The following ZNF662 variants were observed in gnomAD, a reference collection of about 807,000 sequenced individuals.
ZNF662 encodes zinc finger protein 662.
In ZNF662, 14 loss-of-function variants were observed where a neutral mutation model predicts 12.4. The observed-to-expected ratio is 1.13, with a 90% CI of 0.75 to 1.77. The LOEUF is 1.77. Ranked by LOEUF, ZNF662 falls within the 40% of genes most tolerant of loss-of-function variation. The probability of loss-of-function intolerance (pLI) is 0.00; values close to 1 mark genes in which losing one functional copy is unlikely to be tolerated. For missense variants in ZNF662, 550 were observed against 515.6 expected (o/e 1.07, Z -0.65); for synonymous variants, 184 against 176.4 (o/e 1.04, Z -0.34).
At position 42,908,067 on chromosome 3, in the gene ZNF662, G is replaced by A. The variant is rs763488420; in HGVS notation, c.-48G>A. The A allele has an allele frequency of 4.8e-5, 77 of 1,614,074 alleles. No homozygotes were observed. The South Asian group carries it at 6.0e-4, about 13-fold the overall frequency. The stretch of plus-strand genomic sequence containing the variant: ...TGTGGCCGTCTACTTCTCTGAGAAC[G>A]AATGGATCGGCCTGGGCCCTGCTCA... On this transcript the variant is annotated 5_prime_UTR_variant, in exon 2 of 5. Coordinates refer to ENST00000440367, the MANE Select transcript of ZNF662 (RefSeq NM_207404.4).
intron 2 of ZNF662, chr3:42,908,547 A>G (rs1485533171): frequency 3.0e-6 from 4 of 1,323,706 alleles, no homozygotes; most frequent in East Asian, 3.0e-5. Flanking sequence ...TGAGGACTCA[A>G]TTCCTCAATG....
chr3:42,907,598 ATAG>A (rs2088701673), intron 1 of ZNF662: 1 of 827,614 alleles, frequency 1.2e-6, no homozygotes, highest in Non-Finnish European at 1.5e-6. Flanking sequence ...AACGGATCTG[ATAG>A]TAGGCTATGA....
intron 3 of ZNF662, among the ~76,000 whole-genome samples, chr3:42,912,549 A>T (rs1344573867): frequency 2.5e-4 from 2 of 8,088 alleles, no homozygotes; most frequent in South Asian, 0.011. Flanking sequence ...TTATATATTT[A>T]ATATAAATAT....
chr3:42,907,953 C>T, intron 1 of ZNF662, 69 bp from the exon 2 acceptor site: 1 of 1,576,550 alleles, frequency 6.3e-7, no homozygotes, highest in Non-Finnish European at 8.6e-7. Flanking sequence ...CCTTTTGATG[C>T]CCTGTCTCCC....
chr3:42,906,177 C>T lies in ZNF662; in HGVS notation c.-94+9C>T. ...ATGCTGGGGCCTGGCGGGTGTGGAG[C>T]ACGGGGAGTCGGGCGTGGGGCGGGC... On this transcript the variant is annotated intron_variant, in intron 1 of 4. Coordinates refer to ENST00000440367, the MANE Select transcript of ZNF662 (RefSeq NM_207404.4). The surrounding 1 kb of genome is among the most constrained non-coding windows in gnomAD (Gnocchi z 4.4). The T allele has an allele frequency of 1.7e-6, 1 of 581,902 alleles. No individual in the cohort carries two copies. The highest frequency in any genetic ancestry group is 2.9e-6 in the Non-Finnish European group (1 of 348,184). The allele number at this position is 581,902 out of a possible 1,614,324, so 36.0% of individuals were successfully genotyped here. A position where few individuals can be genotyped will look rare whatever the true frequency, so the allele number is the denominator to read the frequency against.
chr3:42,912,074 G>A (rs1026593603), intron 3 of ZNF662: 3 of 149,908 alleles, frequency 2.0e-5, no homozygotes, highest in Non-Finnish European at 4.4e-5. Flanking sequence ...TTTAAAGTGA[G>A]TGATATGTTT....
intron 4 of ZNF662, among the ~76,000 whole-genome samples, chr3:42,913,545 G>A (rs1221387177): frequency 6.6e-6 from 1 of 152,088 alleles, no homozygotes; most frequent in African/African-American, 2.4e-5. Flanking sequence ...TGAACAGATG[G>A]CCTGCCCCAT....
At chr3:42,908,720 T>G (rs1338335630) in intron 2 of ZNF662, 73 bp from the exon 3 acceptor site, 2 of 1,527,518 alleles carry the variant, frequency 1.3e-6, no homozygotes, top group Non-Finnish European at 1.8e-6. Flanking sequence ...CTGAAGACAC[T>G]GGCCTGGGAG....
intron 3 of ZNF662, among the ~76,000 whole-genome samples, chr3:42,909,168 A>G (rs2088731183): frequency 6.6e-6 from 1 of 152,110 alleles, no homozygotes; most frequent in Non-Finnish European, 1.5e-5. Context: ...GCAGATAAAC[A>G]TGTGAACAAA....
At position 42,914,496 on chromosome 3, in the gene ZNF662, C is replaced by T; in HGVS notation, c.423C>T (p.Tyr141=). ...GCAGGTTAGGGAGATGGCCTGGTTA[C>T]CTCAATGGGGGACGTATGGAAAGTT... ...EKSRLGRWPG[Y]LNGGRMESST... Residue 141 remains tyrosine, a synonymous_variant, in exon 5 of 5, where the codon TAC becomes TAT. Coordinates refer to ENST00000440367, the MANE Select transcript of ZNF662 (RefSeq NM_207404.4). The T allele has an allele frequency of 6.2e-7, 1 of 1,613,942 alleles. No homozygotes were observed. Among genetic ancestry groups the T allele is most frequent in the Non-Finnish European group, 8.5e-7 (1 of 1,180,008 alleles).
chr3:42,909,543 A>G lies in ZNF662; in HGVS notation c.151+634A>G, dbSNP rs536613974. On this transcript the variant is annotated intron_variant, in intron 3 of 4. Transcript: ENST00000440367. ...CCCTTTTCTATTCGACAAAACCGCCATCGTCATCATGGCCCGTTCTCAATG... is the reference window on the plus strand; with the variant it reads ...CCCTTTTCTATTCGACAAAACCGCCGTCGTCATCATGGCCCGTTCTCAATG... 1.1e-4 allele frequency among the ~76,000 whole-genome samples: 16 copies of G among 152,276 alleles called. No homozygotes were observed. In the South Asian group the frequency reaches 2.9e-3, roughly 28 times the overall value.
In ZNF662 at chr3:42,908,055, T is replaced by C; in HGVS notation, c.-60T>C. ...GACCTTCGAGGATGTGGCCGTCTAC[T>C]TCTCTGAGAACGAATGGATCGGCCT... On this transcript the variant is annotated 5_prime_UTR_variant, in exon 2 of 5. Transcript: ENST00000440367. 1 of 1,614,198 alleles carries C rather than the reference T, an allele frequency of 6.2e-7. No homozygotes were observed. Among genetic ancestry groups the C allele is most frequent in the Non-Finnish European group, 8.5e-7 (1 of 1,180,028 alleles).
intron 3 of ZNF662, among the ~76,000 whole-genome samples, chr3:42,912,736 A>AAT (rs1324955102): frequency 6.6e-4 from 74 of 112,700 alleles, no homozygotes; most frequent in African/African-American, 1.3e-3. Flanking sequence ...TATATATATA[A>AAT]ATATATATAT....
In ZNF662 at chr3:42,906,180, G is replaced by A. The variant is rs1021955215; in HGVS notation, c.-94+12G>A. The A allele has an allele frequency of 3.8e-5, 22 of 585,010 alleles. No homozygotes were observed. Among genetic ancestry groups the A allele is most frequent in the Non-Finnish European group, 5.7e-5 (20 of 351,090 alleles). 36.2% of individuals were successfully genotyped at this position (585,010 alleles called of 1,614,324 possible). A position where few individuals can be genotyped will look rare whatever the true frequency, so the allele number is the denominator to read the frequency against. ...CTGGGGCCTGGCGGGTGTGGAGCAC[G>A]GGGAGTCGGGCGTGGGGCGGGCAGG... On this transcript the variant is annotated intron_variant, in intron 1 of 4. Transcript: ENST00000440367. This position sits in a 1 kb window ranked among gnomAD's most constrained non-coding sequence, Gnocchi z 4.4.
chr3:42,914,407 T>A lies in ZNF662; in HGVS notation c.334T>A (p.Ser112Thr). 6.2e-7 allele frequency: 1 copy of A among 1,614,014 alleles called. No homozygotes were observed. The highest frequency in any genetic ancestry group is 8.5e-7 in the Non-Finnish European group (1 of 1,179,998). ...GGAAGCACAGGACCTCATGGTCCTA[T>A]CAAGTGGACCCCAGTGGTGTGGATC... ...IEEAQDLMVL[S>T]SGPQWCGSQE... is the part of the protein sequence containing the mutation. Residue 112 changes from serine (S) to threonine (T), a missense_variant, in exon 5 of 5, where the codon TCA (serine) becomes ACA (threonine). Transcript: ENST00000440367.
At chr3:42,910,282 A>G (rs1335554600) in intron 3 of ZNF662, among the ~76,000 whole-genome samples, 1 of 151,930 alleles carries the variant, frequency 6.6e-6, no homozygotes, top group Non-Finnish European at 1.5e-5. Context: ...GGGAGGTTGC[A>G]GTGAGTCAAG....
At chr3:42,912,227 A>T (rs1439301021) in intron 3 of ZNF662, among the ~76,000 whole-genome samples, 1 of 134,732 alleles carries the variant, frequency 7.4e-6, no homozygotes, top group African/African-American at 2.8e-5. Flanking sequence ...ATATAAATAA[A>T]ATATATATAA....
At position 42,908,091 on chromosome 3, in the gene ZNF662, C is replaced by T; in HGVS notation, c.-24C>T. The T allele has an allele frequency of 6.2e-7, 1 of 1,614,174 alleles. No homozygotes were observed. The highest frequency in any genetic ancestry group is 8.5e-7 in the Non-Finnish European group (1 of 1,180,010). On this transcript the variant is annotated 5_prime_UTR_variant, in exon 2 of 5. Transcript: ENST00000440367. The stretch of plus-strand genomic sequence containing the variant: ...CGAATGGATCGGCCTGGGCCCTGCT[C>T]AGAGAGCCCTGTACAGGGATGTGAT...
chr3:42,912,476 T>C (rs1415291990), intron 3 of ZNF662, among the ~76,000 whole-genome samples: 7 of 58,122 alleles, frequency 1.2e-4, no homozygotes, highest in African/African-American at 4.4e-4. Context: ...ATATATATTT[T>C]TATATATTTA....
Sources: allele counts gnomAD v4.1 joint callset (sites outside exome capture counted in the v4.1 genomes callset), GRCh38; gene constraint gnomAD v4.1.1; non-coding constraint Gnocchi (gnomAD v3.1); transcripts MANE v1.5; gene names NCBI Gene and HGNC (gene_info 2026-07-23, HGNC 2026-07-21).